The following STT3B variants were observed in gnomAD, a reference collection of about 807,000 sequenced individuals.
STT3B encodes the protein STT3 oligosaccharyltransferase complex catalytic subunit B, also known as dolichyl-diphosphooligosaccharide--protein glycosyltransferase subunit STT3B.
Under a neutral mutation model 96.8 loss-of-function variants are expected in STT3B, and 29 were observed. That is an observed-to-expected ratio of 0.30 (90% confidence interval 0.22 to 0.41). STT3B has a LOEUF of 0.41. Among genes scored for constraint, STT3B ranks in the 10% least tolerant of loss-of-function variants. The pLI is 1.00. For synonymous variants in STT3B, 367 were observed against 360.0 expected (o/e 1.02, Z -0.22); for missense variants, 640 against 1,022.3 (o/e 0.63, Z 5.10).
chr3:31,588,132 G>T (rs1376510020), intron 3 of STT3B, among the ~76,000 whole-genome samples: 2 of 152,042 alleles, frequency 1.3e-5, no homozygotes, highest in East Asian at 3.9e-4. Context: ...GGAATTCAGT[G>T]CATCTCCTAA....
chr3:31,602,566 TA>T lies in STT3B; in HGVS notation c.877+2111del, dbSNP rs970243850. On this transcript the variant is annotated intron_variant, in intron 5 of 15. Coordinates refer to ENST00000295770, the MANE Select transcript of STT3B (RefSeq NM_178862.3). ...TGGAAGTATATTCTACATAAAAGTT[TA>T]AAATTCAAGCAGTGTCCAACTCCCC... 2.6e-4 allele frequency among the ~76,000 whole-genome samples: 39 copies of T among 152,120 alleles called. 1 individual carries two copies. The highest frequency in any genetic ancestry group is 8.9e-4 in the African/African-American group (37 of 41,528).
At chr3:31,597,593 A>G (rs1559380188) in intron 4 of STT3B, among the ~76,000 whole-genome samples, 1 of 151,868 alleles carries the variant, frequency 6.6e-6, no homozygotes, top group Non-Finnish European at 1.5e-5. Context: ...AGCAGCCAGG[A>G]CTACAAGCAT....
chr3:31,587,016 T>G (rs145702412), intron 3 of STT3B, among the ~76,000 whole-genome samples: 166 of 152,184 alleles, frequency 1.1e-3, no homozygotes, highest in Non-Finnish European at 1.6e-3. Flanking sequence ...TTCTTTCCAT[T>G]TATTTAGATC....
In STT3B at chr3:31,626,103, A is replaced by G. The variant is rs768466046; in HGVS notation, c.2049A>G (p.Glu683=). The G allele has an allele frequency of 1.7e-5, 28 of 1,613,484 alleles. No homozygotes were observed. The highest frequency in any genetic ancestry group is 1.6e-4 in the Middle Eastern group (1 of 6,078). Residue 683 remains glutamate, a synonymous_variant, in exon 13 of 16, where the codon GAA becomes GAG. Coordinates refer to ENST00000295770, the MANE Select transcript of STT3B (RefSeq NM_178862.3). ...TTCTCTGGATGGTTAGGATAGCTGA[A>G]GGAGAACATCCCAAAGACATTCGGG... ...NKFLWMVRIA[E]GEHPKDIRES...
Position 31,633,285 on chromosome 3 carries a change from A to G in STT3B, c.2400+138A>G, listed in dbSNP as rs569638526. 3.3e-4 allele frequency: 254 copies of G among 760,830 alleles called. 2 individuals are homozygous for G. Among genetic ancestry groups the G allele is most frequent in the South Asian group, 2.0e-3 (104 of 52,392 alleles). The allele number at this position is 760,830 out of a possible 1,614,324, so 47.1% of individuals were successfully genotyped here. On this transcript the variant is annotated intron_variant, in intron 15 of 15. Transcript: ENST00000295770. The stretch of plus-strand genomic sequence containing the variant: ...GCTTCTATATTAATACGAAGTAAAT[A>G]TCAGCCTAGCCTGCTAGGAGCATTC...
intron 8 of STT3B, among the ~76,000 whole-genome samples, chr3:31,618,220 C>G (rs1024808868): frequency 3.9e-5 from 6 of 151,922 alleles, no homozygotes; most frequent in African/African-American, 1.4e-4. Context: ...TGGGCAACTC[C>G]TTGTTTCCGT....
intron 1 of STT3B, among the ~76,000 whole-genome samples, chr3:31,547,986 G>A (rs183090966): frequency 1.3e-5 from 2 of 152,178 alleles, no homozygotes; most frequent in African/African-American, 4.8e-5. Flanking sequence ...ATAATACTTA[G>A]TGGAAGGATT....
chr3:31,565,662 T>C (rs570413388), intron 1 of STT3B, among the ~76,000 whole-genome samples: 24 of 152,192 alleles, frequency 1.6e-4, no homozygotes, highest in Non-Finnish European at 2.9e-4. Flanking sequence ...TTTGTGATAG[T>C]CACACTTATT....
intron 1 of STT3B, among the ~76,000 whole-genome samples, chr3:31,539,635 C>T (rs113721792): frequency 0.011 from 1,727 of 152,232 alleles, 16 homozygotes; most frequent in Admixed American, 0.02. Flanking sequence ...CGGGCTGTAG[C>T]TAACTAAGCT....
intron 5 of STT3B, among the ~76,000 whole-genome samples, chr3:31,606,540 T>G (rs1425270531): frequency 6.6e-6 from 1 of 152,174 alleles, no homozygotes; most frequent in Non-Finnish European, 1.5e-5. Flanking sequence ...TCTCGGCAGC[T>G]TCCACATGGT....
intron 3 of STT3B, among the ~76,000 whole-genome samples, chr3:31,591,911 A>G (rs1282758856): frequency 6.6e-6 from 1 of 152,028 alleles, no homozygotes; most frequent in Non-Finnish European, 1.5e-5. Flanking sequence ...ATCTGCTGTA[A>G]TGGGATTTTT....
In STT3B at chr3:31,625,816, A is replaced by G. The variant is rs113140483; in HGVS notation, c.1900-138A>G. ...AAATTCCAATGCATTTGTTGAATTC[A>G]TAGTAAATCATTTCTGCAAAAAAAT... On this transcript the variant is annotated intron_variant, in intron 12 of 15. Coordinates refer to ENST00000295770, the MANE Select transcript of STT3B (RefSeq NM_178862.3). The G allele has an allele frequency of 0.02, 13,786 of 702,576 alleles. 188 individuals are homozygous for G. Among genetic ancestry groups the G allele is most frequent in the Middle Eastern group, 0.029 (70 of 2,430 alleles). The allele number at this position is 702,576 out of a possible 1,614,324, so 43.5% of individuals were successfully genotyped here.
At chr3:31,576,721 CTT>C (rs1334461980) in intron 2 of STT3B, among the ~76,000 whole-genome samples, 2 of 152,054 alleles carry the variant, frequency 1.3e-5, no homozygotes, top group Non-Finnish European at 1.5e-5. Context: ...ACTAGCCACT[CTT>C]TTTGACAAGT....
At chr3:31,612,457 A>C (rs1699203309) in intron 5 of STT3B, among the ~76,000 whole-genome samples, 1 of 152,232 alleles carries the variant, frequency 6.6e-6, no homozygotes, top group African/African-American at 2.4e-5. Flanking sequence ...GGAAGTTTCA[A>C]GGTAAAATAC....
At chr3:31,634,847 G>A (rs2125481923) in intron 15 of STT3B, among the ~76,000 whole-genome samples, 1 of 152,224 alleles carries the variant, frequency 6.6e-6, no homozygotes, top group Non-Finnish European at 1.5e-5. Flanking sequence ...GAAACTACTA[G>A]ATCTGGTTTG....
Position 31,629,334 on chromosome 3 carries a change from G to A in STT3B, c.2110G>A (p.Val704Ile). ...TTTTACCCCACAGGGAGAATTCCGT[G>A]TAGACAAAGCAGGATCCCCTACTTT... Reference protein sequence around the residue: ...DYFTPQGEFRVDKAGSPTLLN... With the variant: ...DYFTPQGEFRIDKAGSPTLLN... The change falls in exon 14 of 16, where the codon GTA (valine) becomes ATA (isoleucine). Residue 704 changes from valine (V) to isoleucine (I), a missense_variant. By Grantham distance (29) the Val-to-Ile change is conservative. Around this residue, in one of 8 missense-constraint regions of STT3B, gnomAD observed 40 missense variants for 122.2 expected, o/e 0.33. Transcript: ENST00000295770. 1 of 1,610,680 alleles carries A rather than the reference G, an allele frequency of 6.2e-7. No individual in the cohort carries two copies. Among genetic ancestry groups the A allele is most frequent in the Non-Finnish European group, 8.5e-7 (1 of 1,178,128 alleles).
At chr3:31,615,906 A>G (rs1407471158) in intron 6 of STT3B, among the ~76,000 whole-genome samples, 2 of 151,868 alleles carry the variant, frequency 1.3e-5, no homozygotes, top group Admixed American at 6.6e-5. Context: ...ATGTTTTTGT[A>G]TCATGTTTTG....
At chr3:31,615,648 C>T (rs892053378) in intron 6 of STT3B, among the ~76,000 whole-genome samples, 7 of 151,714 alleles carry the variant, frequency 4.6e-5, no homozygotes, top group Non-Finnish European at 8.9e-5. Flanking sequence ...TAATTTGAGA[C>T]GCAGAGAGAT....
At chr3:31,625,933 A>AT (rs749922041) in intron 12 of STT3B, 21 bp from the exon 13 acceptor site, 238 of 1,531,618 alleles carry the variant, frequency 1.6e-4, no homozygotes, top group South Asian at 3.0e-4. Flanking sequence ...AAACATTCTC[A>AT]TTTTTTTTTA....
Sources: gnomAD v4.1 joint callset for allele counts (sites outside exome capture counted in the v4.1 genomes callset) on GRCh38, gnomAD v4.1.1 for gene constraint, gnomAD v4.1.1 regional missense constraint, MANE v1.5 for transcripts, NCBI Gene and HGNC (gene_info 2026-07-23, HGNC 2026-07-21) for gene names.